Variants in ADGRB3 observed in about 807,000 individuals in gnomAD.
ADGRB3 encodes the protein brain-specific angiogenesis inhibitor 3.
ADGRB3 carries 37 observed loss-of-function variants against 193.4 expected under a neutral mutation model. The observed-to-expected ratio is 0.19, with a 90% confidence interval of 0.15 to 0.25. ADGRB3 has a LOEUF of 0.25. Ranked by LOEUF, ADGRB3 falls within the 10% of genes least tolerant of loss-of-function variation. The pLI is 1.00. For synonymous variants in ADGRB3, 690 were observed against 644.2 expected (o/e 1.07, Z -1.08); for missense variants, 1,637 against 1,852.9 (o/e 0.88, Z 2.14).
At chr6:69,048,426 G>T in intron 14 of ADGRB3, 92 bp downstream of exon 14, 2 of 1,249,024 alleles carry the variant, frequency 1.6e-6, no homozygotes, top group South Asian at 3.0e-5. Flanking sequence ...ACATTAAACA[G>T]TTTAGAAATA....
intron 3 of ADGRB3, among the ~76,000 whole-genome samples, chr6:68,667,203 T>C (rs1188938093): frequency 1.3e-5 from 2 of 151,876 alleles, no homozygotes; most frequent in East Asian, 1.9e-4. Flanking sequence ...ATAATCATAA[T>C]TGTAGAATGA....
intron 3 of ADGRB3, among the ~76,000 whole-genome samples, chr6:68,780,575 TA>T (rs1766833817): frequency 6.6e-6 from 1 of 152,126 alleles, no homozygotes; most frequent in South Asian, 2.1e-4. Context: ...ACCTTATTTA[TA>T]TAGCCATGTA....
At chr6:69,356,040 A>T (rs1769331150) in intron 28 of ADGRB3, among the ~76,000 whole-genome samples, 180 bp downstream of exon 28, 2 of 152,136 alleles carry the variant, frequency 1.3e-5, no homozygotes, top group Admixed American at 6.6e-5. Context: ...AGGCAGAAAA[A>T]TCCAGTTGTT....
intron 3 of ADGRB3, among the ~76,000 whole-genome samples, chr6:68,711,708 T>G (rs1217253025): frequency 6.6e-6 from 1 of 152,138 alleles, no homozygotes; most frequent in African/African-American, 2.4e-5. Flanking sequence ...TTCAAAAGCA[T>G]GCTTGATGGT....
At chr6:68,828,907 A>G (rs540155002) in intron 3 of ADGRB3, among the ~76,000 whole-genome samples, 11 of 152,248 alleles carry the variant, frequency 7.2e-5, no homozygotes, top group Admixed American at 2.6e-4. Flanking sequence ...TGAGACAGAA[A>G]TATAAAATAG....
intron 3 of ADGRB3, among the ~76,000 whole-genome samples, chr6:68,846,774 A>G (rs1441356230): frequency 1.3e-5 from 2 of 152,204 alleles, no homozygotes; most frequent in Non-Finnish European, 2.9e-5. Context: ...CTCTGCTAGG[A>G]CAATGTGGAA....
In ADGRB3 at chr6:69,355,872, T is replaced by G; in HGVS notation, c.3595+12T>G. On this transcript the variant is annotated intron_variant, in intron 28 of 31. Transcript: ENST00000370598. ...TGCCTGTCGATCAGGTAAGAATATT[T>G]AGATTTTGAAATCTAATCAGTAGGG... The G allele has an allele frequency of 6.3e-7, 1 of 1,594,606 alleles. No homozygotes were observed. Among genetic ancestry groups the G allele is most frequent in the Non-Finnish European group, 8.6e-7 (1 of 1,163,814 alleles).
In ADGRB3 at chr6:69,015,499, C is replaced by T. The variant is rs543255273; in HGVS notation, c.1998+1393C>T. On this transcript the variant is annotated intron_variant, in intron 12 of 31. Transcript: ENST00000370598. ...CTGTTCTGCAGCTTTTACTAAAAGG[C>T]GGTGTCATAAATGCAGCCGTGTGGT... Among the ~76,000 whole-genome samples the T allele has an allele frequency of 2.1e-4, 32 of 151,982 alleles. No individual in the cohort carries two copies. The South Asian group carries it at 6.2e-3, about 30-fold the overall frequency.
At chr6:68,965,803 G>T (rs1000979396) in intron 8 of ADGRB3, among the ~76,000 whole-genome samples, 1 of 152,184 alleles carries the variant, frequency 6.6e-6, no homozygotes, top group Admixed American at 6.5e-5. Context: ...TACAAAGAGA[G>T]AATCCTTCCT....
intron 3 of ADGRB3, among the ~76,000 whole-genome samples, chr6:68,726,024 CTAA>C (rs111519394): frequency 0.032 from 4,870 of 151,510 alleles, 138 homozygotes; most frequent in African/African-American, 0.073. Flanking sequence ...AATGAGGAAG[CTAA>C]TAATATTATT....
chr6:68,931,974 G>T (rs1767349791), intron 4 of ADGRB3, among the ~76,000 whole-genome samples: 1 of 151,924 alleles, frequency 6.6e-6, no homozygotes, highest in Non-Finnish European at 1.5e-5. Context: ...TTTACTATTT[G>T]TTTGAACAAG....
At chr6:68,748,234 C>T (rs547060998) in intron 3 of ADGRB3, among the ~76,000 whole-genome samples, 1 of 152,124 alleles carries the variant, frequency 6.6e-6, no homozygotes, top group South Asian at 2.1e-4. Context: ...CCCAACAGTC[C>T]CATAAAGTCT....
At chr6:68,646,062 CAT>C (rs539458519) in intron 3 of ADGRB3, among the ~76,000 whole-genome samples, 1 of 152,148 alleles carries the variant, frequency 6.6e-6, no homozygotes, top group Non-Finnish European at 1.5e-5. Flanking sequence ...CTATTTCAGA[CAT>C]ATCTATATTC....
intron 17 of ADGRB3, among the ~76,000 whole-genome samples, chr6:69,125,678 T>C (rs1773832075): frequency 6.6e-6 from 1 of 152,210 alleles, no homozygotes; most frequent in African/African-American, 2.4e-5. Context: ...TATTTTATTA[T>C]AGTGGCCCAA....
chr6:69,075,467 A>G (rs763526399), intron 16 of ADGRB3, among the ~76,000 whole-genome samples: 1 of 152,224 alleles, frequency 6.6e-6, no homozygotes, highest in Non-Finnish European at 1.5e-5. Flanking sequence ...ACATTATCCT[A>G]TACAACCATG....
intron 8 of ADGRB3, among the ~76,000 whole-genome samples, chr6:68,967,850 A>G (rs1768429196): frequency 6.6e-6 from 1 of 152,022 alleles, no homozygotes; most frequent in African/African-American, 2.4e-5. Context: ...GGTTTGAGAA[A>G]AGATTGAAGG....
intron 17 of ADGRB3, among the ~76,000 whole-genome samples, chr6:69,083,516 A>G (rs773992109): frequency 3.1e-4 from 47 of 152,062 alleles, no homozygotes; most frequent in Non-Finnish European, 5.0e-4. Context: ...GGGCTGGGGG[A>G]TGAGAAGGAT....
intron 21 of ADGRB3, 127 bp downstream of exon 21, chr6:69,325,149 A>G: frequency 8.0e-7 from 1 of 1,247,172 alleles, no homozygotes; most frequent in East Asian, 2.4e-5. Context: ...GTGAAAATAC[A>G]TGAGCTGGTC....
At chr6:69,074,297 C>T (rs921694156) in intron 16 of ADGRB3, among the ~76,000 whole-genome samples, 4 of 152,248 alleles carry the variant, frequency 2.6e-5, no homozygotes, top group Non-Finnish European at 2.9e-5. Context: ...CATTTTAGAA[C>T]AGTAAGCTTA....
Sources: allele counts gnomAD v4.1 joint callset (sites outside exome capture counted in the v4.1 genomes callset), GRCh38; gene constraint gnomAD v4.1.1; transcripts MANE v1.5; gene names NCBI Gene and HGNC (gene_info 2026-07-23, HGNC 2026-07-21).